The following GPC5 variants were observed in gnomAD, a reference collection of about 807,000 sequenced individuals.
GPC5 encodes the protein glypican-5.
In GPC5, 47 loss-of-function variants were observed where a neutral mutation model predicts 53.9. That is an observed-to-expected ratio of 0.87 (90% CI 0.69 to 1.11). GPC5 has a LOEUF of 1.11. Among genes scored for constraint, GPC5 ranks in the 50% most tolerant of loss-of-function variants. The pLI, the probability that GPC5 is intolerant of heterozygous loss-of-function variation, is 0.00. For synonymous variants in GPC5, 286 were observed against 263.3 expected (o/e 1.09, Z -0.84); for missense variants, 748 against 713.1 (o/e 1.05, Z -0.56).
At chr13:91,906,041 G>C (rs1235290241) in intron 5 of GPC5, among the ~76,000 whole-genome samples, 1 of 151,834 alleles carries the variant, frequency 6.6e-6, no homozygotes, top group Non-Finnish European at 1.5e-5. Context: ...CACCCCCCCT[G>C]CCAACGTCCC....
intron 6 of GPC5, among the ~76,000 whole-genome samples, chr13:92,110,709 T>C (rs966254145): frequency 2.6e-5 from 4 of 152,200 alleles, no homozygotes; most frequent in African/African-American, 9.6e-5. Context: ...AATTGAAGGA[T>C]AAGAAAATTG....
chr13:91,411,132 A>T (rs1308731242), intron 1 of GPC5, among the ~76,000 whole-genome samples: 4 of 152,218 alleles, frequency 2.6e-5, no homozygotes, highest in Non-Finnish European at 5.9e-5. Flanking sequence ...ACAAACAAAA[A>T]AACACTGGAC....
chr13:91,991,160 C>A (rs1364240658), intron 6 of GPC5, among the ~76,000 whole-genome samples: 1 of 152,208 alleles, frequency 6.6e-6, no homozygotes, highest in Non-Finnish European at 1.5e-5. Flanking sequence ...ATGGCTTCCA[C>A]TTGCTATTTA....
chr13:92,550,034 G>C (rs1882259619), intron 7 of GPC5, among the ~76,000 whole-genome samples: 1 of 151,738 alleles, frequency 6.6e-6, no homozygotes, highest in African/African-American at 2.4e-5. Context: ...TCTTAAGCCA[G>C]AGATATCTAT....
At chr13:91,820,826 G>A (rs989425577) in intron 5 of GPC5, among the ~76,000 whole-genome samples, 11 of 152,244 alleles carry the variant, frequency 7.2e-5, no homozygotes, top group Middle Eastern at 6.8e-3. Flanking sequence ...AGCCGGGCGT[G>A]GTGGTGGGCG....
intron 7 of GPC5, among the ~76,000 whole-genome samples, chr13:92,774,534 A>G (rs1030845000): frequency 1.3e-5 from 2 of 152,108 alleles, no homozygotes; most frequent in African/African-American, 4.8e-5. Flanking sequence ...CTCCTCTCCA[A>G]TCAGAATTAC....
At chr13:92,767,200 G>A (rs983165406) in intron 7 of GPC5, among the ~76,000 whole-genome samples, 8 of 151,866 alleles carry the variant, frequency 5.3e-5, no homozygotes, top group Non-Finnish European at 8.8e-5. Flanking sequence ...GGATGGGTGC[G>A]GTGGCTCATG....
intron 7 of GPC5, among the ~76,000 whole-genome samples, chr13:92,423,538 T>C (rs1351733520): frequency 1.3e-4 from 20 of 152,326 alleles, no homozygotes; most frequent in Non-Finnish European, 2.9e-5. Flanking sequence ...ACTGTTATTG[T>C]TGTTTGGAGA....
intron 3 of GPC5, among the ~76,000 whole-genome samples, chr13:91,702,727 G>A (rs2036019869): frequency 6.6e-6 from 1 of 151,872 alleles, no homozygotes. Flanking sequence ...ATGGCTTTAG[G>A]TACTGGACAT....
At chr13:91,877,437 G>A (rs1388344770) in intron 5 of GPC5, among the ~76,000 whole-genome samples, 1 of 152,230 alleles carries the variant, frequency 6.6e-6, no homozygotes, top group Non-Finnish European at 1.5e-5. Flanking sequence ...AGTGTGACCA[G>A]GATGTGAGAC....
chr13:92,105,953 GGAA>G, intron 6 of GPC5, among the ~76,000 whole-genome samples: 1 of 151,950 alleles, frequency 6.6e-6, no homozygotes, highest in Non-Finnish European at 1.5e-5. Context: ...TCATATAAAT[GGAA>G]GAATACAGTA....
intron 7 of GPC5, among the ~76,000 whole-genome samples, chr13:92,271,219 T>A (rs903776609): frequency 6.6e-6 from 1 of 152,236 alleles, no homozygotes; most frequent in Non-Finnish European, 1.5e-5. Context: ...GCATGCCATC[T>A]ACTATGCCTT....
In GPC5 at chr13:92,385,487, C is replaced by T. The variant is rs200756852; in HGVS notation, c.1561+240498C>T. ...ACATATATACATATATACATATATACACATATATACATACATATACATATA... is the reference window on the plus strand; with the variant it reads ...ACATATATACATATATACATATATATACATATATACATACATATACATATA... On this transcript the variant is annotated intron_variant, in intron 7 of 7. Coordinates refer to ENST00000377067, the MANE Select transcript of GPC5 (RefSeq NM_004466.6). Among the ~76,000 whole-genome samples, 351 of 55,348 alleles carry T rather than the reference C, an allele frequency of 6.3e-3. 4 individuals carry two copies. Among genetic ancestry groups the T allele is most frequent in the South Asian group, 0.016 (35 of 2,200 alleles). 36.3% of individuals were successfully genotyped at this position (55,348 alleles called of 152,430 possible).
chr13:91,917,719 G>A (rs1189350865), intron 6 of GPC5, among the ~76,000 whole-genome samples: 1 of 152,166 alleles, frequency 6.6e-6, no homozygotes, highest in Non-Finnish European at 1.5e-5. Flanking sequence ...ATAAAGCATA[G>A]AAAGAATCAC....
At chr13:91,625,179 A>T (rs927329194) in intron 2 of GPC5, among the ~76,000 whole-genome samples, 1 of 151,786 alleles carries the variant, frequency 6.6e-6, no homozygotes, top group South Asian at 2.1e-4. Flanking sequence ...ACATAGGCCA[A>T]AGAGATTGAT....
intron 2 of GPC5, among the ~76,000 whole-genome samples, chr13:91,463,978 T>C (rs1298584520): frequency 1.3e-5 from 2 of 151,994 alleles, no homozygotes; most frequent in Admixed American, 1.3e-4. Flanking sequence ...AAGCAAATAA[T>C]TGCAAACTGC....
At chr13:92,099,322 C>G (rs1246710311) in intron 6 of GPC5, among the ~76,000 whole-genome samples, 2 of 152,160 alleles carry the variant, frequency 1.3e-5, no homozygotes, top group Non-Finnish European at 2.9e-5. Flanking sequence ...GCTCCTGCTA[C>G]CCACTCCAGC....
chr13:92,033,036 C>CGTGT (rs60958496), intron 6 of GPC5, among the ~76,000 whole-genome samples: 4,618 of 139,016 alleles, frequency 0.033, 111 homozygotes, highest in African/African-American at 0.043. Flanking sequence ...TAGTTATTGT[C>CGTGT]GTGTGTGTGT....
chr13:92,596,504 T>C (rs1048896437), intron 7 of GPC5, among the ~76,000 whole-genome samples: 2 of 152,042 alleles, frequency 1.3e-5, no homozygotes, highest in African/African-American at 4.8e-5. Flanking sequence ...AGACAGAGTC[T>C]CACTCTGTCG....
Sources: gnomAD v4.1 joint callset for allele counts (sites outside exome capture counted in the v4.1 genomes callset) on GRCh38, gnomAD v4.1.1 for gene constraint, MANE v1.5 for transcripts, NCBI Gene and HGNC (gene_info 2026-07-23, HGNC 2026-07-21) for gene names.